Variants in IMMP2L observed in about 807,000 individuals in gnomAD.
IMMP2L encodes mitochondrial inner membrane protease subunit 2.
In IMMP2L, 18 loss-of-function variants were observed where a neutral mutation model predicts 19.3. That is an observed-to-expected ratio of 0.93 (90% confidence interval 0.64 to 1.38). The LOEUF (loss-of-function observed/expected upper bound fraction) is 1.38. Ranked by LOEUF, IMMP2L falls within the 40% of genes most tolerant of loss-of-function variation. IMMP2L has a pLI of 0.00. For missense variants in IMMP2L, 233 were observed against 218.2 expected, an observed-to-expected ratio of 1.07 and a Z score of -0.43; for synonymous variants, 76 against 73.0, an observed-to-expected ratio of 1.04 and a Z score of -0.21.
At position 110,760,923 on chromosome 7, in the gene IMMP2L, G is replaced by A. The variant is rs947001695; in HGVS notation, c.409-97202C>T. On this transcript the variant is annotated intron_variant, in intron 5 of 5. Transcript: ENST00000405709. This position sits in a 1 kb window ranked among gnomAD's most constrained non-coding sequence, Gnocchi z 4.2. The stretch of plus-strand genomic sequence containing the variant: ...CAGAGAAGTCAAACCAGATGTATAA[G>A]TGACATAAGTGGGTTGGAGAATAGA... Among the ~76,000 whole-genome samples, 5 of 152,214 alleles carry A rather than the reference G, an allele frequency of 3.3e-5. No homozygotes were observed. Among genetic ancestry groups the A allele is most frequent in the Admixed American group, 3.3e-4 (5 of 15,260 alleles).
At chr7:110,787,041 G>GA (rs1001338531) in intron 5 of IMMP2L, among the ~76,000 whole-genome samples, 7 of 151,470 alleles carry the variant, frequency 4.6e-5, no homozygotes, top group East Asian at 2.0e-4. Context: ...CAGGAAAAAA[G>GA]AAAAAAAATA....
rs535349578 is a variant in IMMP2L, at chr7:111,009,818, A to C, written c.240-46253T>G. Among the ~76,000 whole-genome samples, 47 of 152,282 alleles carry C rather than the reference A, an allele frequency of 3.1e-4. 1 individual carries two copies. In the South Asian group the frequency reaches 9.5e-3, roughly 31 times the overall value. Reference sequence around the variant, plus strand: ...GGGTTCTCTGAGTAGAAGCTGAAAAATAAATGCTGTGGTTTTGAGAACAGA... The same window carrying C: ...GGGTTCTCTGAGTAGAAGCTGAAAACTAAATGCTGTGGTTTTGAGAACAGA... On this transcript the variant is annotated intron_variant, in intron 3 of 5. Coordinates refer to ENST00000405709, the MANE Select transcript of IMMP2L (RefSeq NM_032549.4).
In IMMP2L at chr7:111,434,762, C is replaced by A. The variant is rs910543225; in HGVS notation, c.239+52476G>T. ...AGAGACAGGGTTTTAACATGTTGGT[C>A]AGGCTGGTCTCAAACTCTTGACCTC... is the stretch of plus-strand genomic sequence containing the variant. On this transcript the variant is annotated intron_variant, in intron 3 of 5. Coordinates refer to ENST00000405709, the MANE Select transcript of IMMP2L (RefSeq NM_032549.4). Among the ~76,000 whole-genome samples, 3 of 151,724 alleles carry A rather than the reference C, an allele frequency of 2.0e-5. 1 individual carries two copies. The highest frequency in any genetic ancestry group is 7.3e-5 in the African/African-American group (3 of 41,076).
chr7:110,720,514 C>T (rs917504322), intron 5 of IMMP2L, among the ~76,000 whole-genome samples: 4 of 152,130 alleles, frequency 2.6e-5, no homozygotes, highest in East Asian at 3.9e-4. Context: ...TAAGTAAAAA[C>T]GGCTATGTCA....
chr7:111,268,084 A>G (rs891919908), intron 3 of IMMP2L, among the ~76,000 whole-genome samples: 6 of 152,188 alleles, frequency 3.9e-5, no homozygotes, highest in Non-Finnish European at 5.9e-5. Flanking sequence ...TTAGAATTAG[A>G]CAAAAGTCTC....
intron 3 of IMMP2L, among the ~76,000 whole-genome samples, chr7:111,111,471 T>A (rs1009012188): frequency 2.0e-5 from 3 of 151,060 alleles, no homozygotes; most frequent in Admixed American, 2.0e-4. Context: ...CCCTCTCTAT[T>A]CAACACATAA....
intron 1 of IMMP2L, among the ~76,000 whole-genome samples, chr7:111,557,564 C>T (rs1791517325): frequency 1.3e-5 from 2 of 152,160 alleles, no homozygotes; most frequent in Non-Finnish European, 2.9e-5. Context: ...TTTCAAGTCT[C>T]AGCTCAAACA....
intron 5 of IMMP2L, among the ~76,000 whole-genome samples, chr7:110,794,320 T>C (rs1315734265): frequency 6.6e-6 from 1 of 151,972 alleles, no homozygotes; most frequent in East Asian, 1.9e-4. Context: ...TACTCAGCAC[T>C]AAAAAGAAAT....
Position 111,160,880 on chromosome 7 carries a change from G to A in IMMP2L, c.240-197315C>T, listed in dbSNP as rs370388936. Among the ~76,000 whole-genome samples, 80 of 150,792 alleles carry A rather than the reference G, an allele frequency of 5.3e-4. 3 individuals carry two copies. The South Asian group carries it at 0.016, about 31-fold the overall frequency. Reference sequence around the variant, plus strand: ...TCTGACGAGTTTGAAAAATTAATAAGAGAGCCAAATAAATATTAGAAATTG... The same window carrying A: ...TCTGACGAGTTTGAAAAATTAATAAAAGAGCCAAATAAATATTAGAAATTG... On this transcript the variant is annotated intron_variant, in intron 3 of 5. Transcript: ENST00000405709.
chr7:111,357,533 T>G (rs1198330776), intron 3 of IMMP2L, among the ~76,000 whole-genome samples: 1 of 152,160 alleles, frequency 6.6e-6, no homozygotes, highest in African/African-American at 2.4e-5. Flanking sequence ...TTAAAAACCC[T>G]TCAGATGCTG....
intron 3 of IMMP2L, among the ~76,000 whole-genome samples, chr7:111,180,342 G>T (rs1288682798): frequency 6.6e-6 from 1 of 151,908 alleles, no homozygotes; most frequent in Non-Finnish European, 1.5e-5. Context: ...TTTCAATATT[G>T]TTGTGTCTCA....
At chr7:111,006,988 T>C (rs989631297) in intron 3 of IMMP2L, among the ~76,000 whole-genome samples, 12 of 152,248 alleles carry the variant, frequency 7.9e-5, no homozygotes, top group African/African-American at 2.9e-4. Context: ...TCCCATTTTC[T>C]CTTGAACCTA....
chr7:110,797,721 T>C (rs1584862758), intron 5 of IMMP2L, among the ~76,000 whole-genome samples: 2 of 152,114 alleles, frequency 1.3e-5, no homozygotes, highest in East Asian at 3.9e-4. Flanking sequence ...CCCTGCTATA[T>C]GGAAGACACT....
chr7:110,688,072 G>A (rs758986899), intron 5 of IMMP2L, among the ~76,000 whole-genome samples: 23 of 151,922 alleles, frequency 1.5e-4, no homozygotes, highest in Non-Finnish European at 2.8e-4. Context: ...ATCGAGAGAC[G>A]GAAAGGTGAA....
intron 3 of IMMP2L, among the ~76,000 whole-genome samples, chr7:111,173,855 A>C (rs974817648): frequency 2.0e-5 from 3 of 151,690 alleles, no homozygotes; most frequent in Admixed American, 6.6e-5. Context: ...CATTTAAGAA[A>C]ATCACAAGCA....
At chr7:110,676,714 A>G (rs1792325527) in intron 5 of IMMP2L, among the ~76,000 whole-genome samples, 1 of 152,202 alleles carries the variant, frequency 6.6e-6, no homozygotes, top group Non-Finnish European at 1.5e-5. Context: ...ATGATATACC[A>G]CAATGGATTG....
At chr7:111,158,363 A>T (rs918823085) in intron 3 of IMMP2L, among the ~76,000 whole-genome samples, 2 of 152,148 alleles carry the variant, frequency 1.3e-5, no homozygotes, top group Non-Finnish European at 2.9e-5. Flanking sequence ...GACAGTAAAA[A>T]CATAATTCAT....
intron 3 of IMMP2L, among the ~76,000 whole-genome samples, chr7:111,238,216 T>A (rs534840179): frequency 6.6e-6 from 1 of 151,928 alleles, no homozygotes. Context: ...TCCTGTACCA[T>A]AAGGAAGAAG....
chr7:110,881,504 T>C (rs1042954637), intron 5 of IMMP2L, among the ~76,000 whole-genome samples: 68 of 152,284 alleles, frequency 4.5e-4, no homozygotes, highest in African/African-American at 1.6e-3. Flanking sequence ...TTCTAAAGAA[T>C]AAGCATGTAC....
Sources: gnomAD v4.1 joint callset for allele counts (sites outside exome capture counted in the v4.1 genomes callset) on GRCh38, gnomAD v4.1.1 for gene constraint, Gnocchi (gnomAD v3.1) non-coding constraint, MANE v1.5 for transcripts, NCBI Gene and HGNC (gene_info 2026-07-23, HGNC 2026-07-21) for gene names.